CAST: variants seen among roughly 807,000 people sequenced by gnomAD.
CAST encodes MIR583 host.
A neutral mutation model predicts 119.6 loss-of-function variants in CAST; 76 were observed. That is an observed-to-expected ratio of 0.64 (90% CI 0.53 to 0.77). The LOEUF (loss-of-function observed/expected upper bound fraction) is 0.77, where lower values mean the gene tolerates loss of function less well. CAST is among the 30% of genes least tolerant of loss of function. The pLI, the probability that CAST is intolerant of heterozygous loss-of-function variation, is 0.00. For synonymous variants in CAST, 319 were observed against 331.6 expected, an observed-to-expected ratio of 0.96 and a Z score of 0.41; for missense variants, 953 against 946.5, an observed-to-expected ratio of 1.01 and a Z score of -0.09.
At chr5:96,408,321 C>T in the CAST span, 10 of 1,612,566 alleles carry the variant, frequency 6.2e-6, no homozygotes, top group Middle Eastern at 1.6e-4. Flanking sequence ...GGTCAGCGCT[C>T]GTCTGGATGA....
chr5:96,193,787 G>T, the CAST span, among the ~76,000 whole-genome samples: 2 of 152,172 alleles, frequency 1.3e-5, no homozygotes, highest in African/African-American at 4.8e-5. Flanking sequence ...TGTTGCTTCT[G>T]TAAAAGTGAA....
rs573991340 is a variant in CAST at position 96,747,497 on chromosome 5, T to C, written c.1332+105T>C. The C allele has an allele frequency of 2.0e-4, 147 of 752,602 alleles. 1 individual carries two copies. The highest frequency in any genetic ancestry group is 1.4e-3 in the Admixed American group (66 of 45,762). The allele number at this position is 752,602 out of a possible 1,614,324, so 46.6% of individuals were successfully genotyped here. A position where few individuals can be genotyped will look rare whatever the true frequency, so the allele number is the denominator to read the frequency against. Reference sequence around the variant, plus strand: ...GAATTCACTGTGCAGACTTGCATGCTAACCTAGTACAGAGGAAAGGGGAAC... The same window carrying C: ...GAATTCACTGTGCAGACTTGCATGCCAACCTAGTACAGAGGAAAGGGGAAC... On this transcript the variant is annotated intron_variant, in intron 18 of 31. Coordinates refer to ENST00000675179, the MANE Select transcript of CAST (RefSeq NM_001750.7).
At chr5:96,035,043 A>ATATATATATATATATATATATTTAAG in the CAST span, among the ~76,000 whole-genome samples, 4 of 92,166 alleles carry the variant, frequency 4.3e-5, no homozygotes, top group African/African-American at 1.8e-4. Flanking sequence ...GTATTTAAGT[A>ATATATATATATATATATATATTTAAG]TATATATATA....
At chr5:96,434,421 T>C in the CAST span, among the ~76,000 whole-genome samples, 1 of 152,192 alleles carries the variant, frequency 6.6e-6, no homozygotes, top group African/African-American at 2.4e-5. Context: ...ACCAAGCTGT[T>C]TTCCTTTTGA....
intron 1 of CAST, among the ~76,000 whole-genome samples, chr5:96,621,738 C>T (rs1415638834): frequency 1.3e-5 from 2 of 152,240 alleles, no homozygotes; most frequent in South Asian, 2.1e-4. Context: ...TCAGCAGGTG[C>T]GGCAGTTTCA....
the CAST span, among the ~76,000 whole-genome samples, chr5:96,021,612 A>T: frequency 2.0e-5 from 3 of 151,844 alleles, no homozygotes; most frequent in African/African-American, 7.3e-5. Flanking sequence ...CGCCCAGCTA[A>T]TTTTTTTGTA....
In CAST at chr5:96,772,832, T is replaced by C. The variant is rs1000477027; in HGVS notation, c.*216T>C. On this transcript the variant is annotated 3_prime_UTR_variant, in exon 32 of 32. Coordinates refer to ENST00000675179, the MANE Select transcript of CAST (RefSeq NM_001750.7). ...ACTGGTTCACCTGTGTACTGAGTAT[T>C]GATAAACTTTGAATTTTTTTAATTG... 1 of 152,998 alleles carries C rather than the reference T, an allele frequency of 6.5e-6. No individual in the cohort carries two copies. The highest frequency in any genetic ancestry group is 6.5e-5 in the Admixed American group (1 of 15,272). The allele number at this position is 152,998 out of a possible 1,614,324, so 9.5% of individuals were successfully genotyped here.
the CAST span, among the ~76,000 whole-genome samples, chr5:96,341,535 A>G: frequency 6.6e-6 from 1 of 152,044 alleles, no homozygotes; most frequent in Non-Finnish European, 1.5e-5. Flanking sequence ...CAGTCTTCTT[A>G]ATATAGTGGT....
intron 1 of CAST, among the ~76,000 whole-genome samples, chr5:96,669,034 C>T (rs978921268): frequency 3.3e-5 from 5 of 152,180 alleles, no homozygotes; most frequent in Admixed American, 6.5e-5. Context: ...CTCCTGGCAG[C>T]GCCTGCTGTT....
the CAST span, among the ~76,000 whole-genome samples, chr5:96,068,815 A>T: frequency 1.3e-5 from 2 of 151,164 alleles, no homozygotes; most frequent in African/African-American, 4.9e-5. Flanking sequence ...AATATATTTT[A>T]TATATACACA....
At chr5:96,165,859 G>A in the CAST span, among the ~76,000 whole-genome samples, 2 of 152,184 alleles carry the variant, frequency 1.3e-5, no homozygotes, top group African/African-American at 4.8e-5. Flanking sequence ...TTTGAAAACT[G>A]GAGGAATATT....
the CAST span, among the ~76,000 whole-genome samples, chr5:96,497,175 T>G: frequency 6.6e-6 from 1 of 151,962 alleles, no homozygotes. Context: ...CCATGTCCCT[T>G]CAAAGGACAT....
chr5:95,993,502 G>A, the CAST span, among the ~76,000 whole-genome samples: 2 of 152,128 alleles, frequency 1.3e-5, no homozygotes, highest in Non-Finnish European at 2.9e-5. Context: ...GGCCCAAGAT[G>A]CTGATAAACC....
intron 15 of CAST, 87 bp from the exon 16 acceptor site, chr5:96,742,568 C>G: frequency 1.1e-6 from 1 of 870,780 alleles, no homozygotes; most frequent in Admixed American, 2.2e-5. Flanking sequence ...AGTTTATAAT[C>G]TAAAATGTAT....
chr5:96,719,034 C>T lies in CAST; in HGVS notation c.211-3605C>T, dbSNP rs550465404. On this transcript the variant is annotated intron_variant, in intron 3 of 31. Coordinates refer to ENST00000675179, the MANE Select transcript of CAST (RefSeq NM_001750.7). ...GGTGCCTGGCAAGAGGCCAGGAGGA[C>T]GTGAAGGGATTCTAATGTGTGGTAG... Among the ~76,000 whole-genome samples the T allele has an allele frequency of 6.6e-5, 10 of 152,162 alleles. No homozygotes were observed. In the South Asian group the frequency reaches 1.5e-3, roughly 22 times the overall value.
At chr5:96,665,352 A>G (rs557341776) in intron 1 of CAST, among the ~76,000 whole-genome samples, 6 of 152,370 alleles carry the variant, frequency 3.9e-5, no homozygotes, top group African/African-American at 9.6e-5. Context: ...TAATCAGTGT[A>G]TAAGCCATTG....
At chr5:96,210,834 A>AT in the CAST span, among the ~76,000 whole-genome samples, 2 of 151,928 alleles carry the variant, frequency 1.3e-5, no homozygotes, top group Middle Eastern at 3.4e-3. Context: ...CTCTATTTAG[A>AT]TTTTTTTTAT....
intron 3 of CAST, among the ~76,000 whole-genome samples, chr5:96,705,355 G>T (rs1754748021): frequency 6.6e-6 from 1 of 151,726 alleles, no homozygotes; most frequent in African/African-American, 2.4e-5. Context: ...GAAAAAAAAA[G>T]AATTGAGCCA....
At chr5:95,982,774 G>T in the CAST span, among the ~76,000 whole-genome samples, 396 of 152,210 alleles carry the variant, frequency 2.6e-3, 1 homozygote, top group Non-Finnish European at 4.3e-3. Context: ...AAAGATAAAG[G>T]TTCTTTCATT....
Sources: gnomAD v4.1 joint callset for allele counts (sites outside exome capture counted in the v4.1 genomes callset) on GRCh38, gnomAD v4.1.1 for gene constraint, MANE v1.5 for transcripts, NCBI Gene and HGNC (gene_info 2026-07-23, HGNC 2026-07-21) for gene names.